Variants in CEMIP2 observed in about 807,000 individuals in gnomAD.
CEMIP2 encodes the protein cell migration inducing hyaluronidase 2.
Under a neutral mutation model 146.9 loss-of-function variants are expected in CEMIP2, and 79 were observed. That is an observed-to-expected ratio of 0.54 (90% CI 0.45 to 0.65). The LOEUF is 0.65. Ranked by LOEUF, CEMIP2 falls within the 30% of genes least tolerant of loss-of-function variation. The pLI is 0.00. For synonymous variants in CEMIP2, 601 were observed against 606.3 expected (o/e 0.99, Z 0.13); for missense variants, 1,596 against 1,696.2 (o/e 0.94, Z 1.04).
intron 2 of CEMIP2, 120 bp downstream of exon 2, chr9:71,749,923 T>C (rs1213768276): frequency 2.6e-6 from 2 of 759,582 alleles, no homozygotes; most frequent in East Asian, 5.5e-5. Flanking sequence ...CACCTCGTAT[T>C]ACCTAACTAC....
chr9:71,697,563 A>G (rs1053745976), intron 20 of CEMIP2, among the ~76,000 whole-genome samples: 1 of 152,228 alleles, frequency 6.6e-6, no homozygotes, highest in African/African-American at 2.4e-5. Flanking sequence ...TCCACCTTAT[A>G]AAAAGGAAAC....
At position 71,725,602 on chromosome 9, in the gene CEMIP2, G is replaced by A. The variant is rs377511739; in HGVS notation, c.2157C>T (p.Asn719=). Residue 719 remains asparagine (N), a synonymous_variant, in exon 11 of 24, where the codon AAC becomes AAT. Coordinates refer to ENST00000377044, the MANE Select transcript of CEMIP2 (RefSeq NM_013390.3). Reference sequence around the variant, plus strand: ...CTACCTTAAAATTTGAATGGACCCTGTTGTTATAAAATATACCCAATGGAG... The same window carrying A: ...CTACCTTAAAATTTGAATGGACCCTATTGTTATAAAATATACCCAATGGAG... ...ELTPLGIFYN[N]RVHSNFKAGL... 170 of 1,613,770 alleles carry A rather than the reference G, an allele frequency of 1.1e-4. No individual in the cohort carries two copies. The highest frequency in any genetic ancestry group is 1.3e-4 in the Non-Finnish European group (158 of 1,179,960).
At chr9:71,694,375 G>T in intron 21 of CEMIP2, 134 bp downstream of exon 21, 1 of 620,370 alleles carries the variant, frequency 1.6e-6, no homozygotes, top group Non-Finnish European at 2.9e-6. Context: ...TGCCCACCTT[G>T]GCCTCCCAAA....
chr9:71,715,701 G>T (rs1393808229), intron 14 of CEMIP2, among the ~76,000 whole-genome samples: 1 of 145,920 alleles, frequency 6.9e-6, no homozygotes, highest in African/African-American at 2.5e-5. Flanking sequence ...GGCTGGAGCA[G>T]CAACCTTGAA....
rs1010071613 is a variant in CEMIP2 at position 71,745,050 on chromosome 9, C to T, written c.1002G>A (p.Leu334=). 1 of 1,614,096 alleles carries T rather than the reference C, an allele frequency of 6.2e-7. No individual in the cohort carries two copies. The highest frequency in any genetic ancestry group is 8.5e-7 in the Non-Finnish European group (1 of 1,179,990). The change falls in exon 4 of 24, where the codon TTG becomes TTA. Residue 334 remains leucine (L), a synonymous_variant. Coordinates refer to ENST00000377044, the MANE Select transcript of CEMIP2 (RefSeq NM_013390.3). ...QGTIQMIQER[L]GSELIQGLGY... ...CCAGTCCTTGGATCAGTTCACTTCC[C>T]AACCGTTCCTGGATCATCTGGATGG...
At chr9:71,696,550 C>T (rs961412385) in intron 20 of CEMIP2, among the ~76,000 whole-genome samples, 4 of 151,872 alleles carry the variant, frequency 2.6e-5, no homozygotes, top group Non-Finnish European at 5.9e-5. Flanking sequence ...ACGGACAGAT[C>T]ACTTGAGGTC....
In CEMIP2 at chr9:71,694,497, G is replaced by T; in HGVS notation, c.3696+12C>A. ...CCTAGAACAGACTAAGACAACACCA[G>T]ATGGTACTTACAGAAATAACAGACG... On this transcript the variant is annotated intron_variant, in intron 21 of 23. Coordinates refer to ENST00000377044, the MANE Select transcript of CEMIP2 (RefSeq NM_013390.3). The T allele has an allele frequency of 1.2e-6, 2 of 1,600,644 alleles. No individual in the cohort carries two copies. The highest frequency in any genetic ancestry group is 2.2e-5 in the East Asian group (1 of 44,758).
At chr9:71,763,532 T>C (rs1225425285) in intron 1 of CEMIP2, among the ~76,000 whole-genome samples, 1 of 152,194 alleles carries the variant, frequency 6.6e-6, no homozygotes, top group Non-Finnish European at 1.5e-5. Flanking sequence ...TATTAAAAAA[T>C]ATGAGGATTA....
chr9:71,738,476 C>T (rs1041087443), intron 5 of CEMIP2, among the ~76,000 whole-genome samples: 3 of 151,956 alleles, frequency 2.0e-5, no homozygotes, highest in South Asian at 2.1e-4. Flanking sequence ...AATCGCACCA[C>T]TGCACTCCAG....
At chr9:71,710,517 C>T (rs1010434) in intron 16 of CEMIP2, among the ~76,000 whole-genome samples, 6,895 of 152,170 alleles carry the variant, frequency 0.045, 218 homozygotes, top group South Asian at 0.069. Flanking sequence ...TTTTGCAAAC[C>T]GCTCCTTTTA....
chr9:71,741,631 G>GTTTTTTTTTTTT (rs11334265), intron 4 of CEMIP2, among the ~76,000 whole-genome samples: 5 of 73,122 alleles, frequency 6.8e-5, no homozygotes, highest in South Asian at 5.4e-4. Context: ...TTCTTTTCTG[G>GTTTTTTTTTTTT]TTTTTTTTTT....
intron 21 of CEMIP2, among the ~76,000 whole-genome samples, chr9:71,692,365 A>ATCTCTCTC (rs10683725): frequency 0.039 from 3,548 of 90,424 alleles, 114 homozygotes; most frequent in East Asian, 0.074. Context: ...TCTACCCCCC[A>ATCTCTCTC]TCTCTCTCTC....
intron 1 of CEMIP2, among the ~76,000 whole-genome samples, chr9:71,752,338 G>T (rs901234551): frequency 6.0e-5 from 9 of 150,942 alleles, no homozygotes; most frequent in African/African-American, 2.0e-4. Flanking sequence ...TTTAACAGAA[G>T]CTTACACACA....
Position 71,732,355 on chromosome 9 carries a change from A to G in CEMIP2, c.1559T>C (p.Ile520Thr). ...TAATCAAATCCTTTTGCCTACCATA[A>G]TGTGTCCCCCAAAGGTATCATAATC... Reference protein sequence around the residue: ...FFDYDTFGGHIMIMKNFTSVH... With the variant: ...FFDYDTFGGHTMIMKNFTSVH... The change falls in exon 7 of 24, where the codon ATT (isoleucine) becomes ACT (threonine). Residue 520 changes from isoleucine to threonine, a missense_variant. Ile to Thr is a moderately conservative substitution (Grantham distance 89, BLOSUM62 -1). Coordinates refer to ENST00000377044, the MANE Select transcript of CEMIP2 (RefSeq NM_013390.3). 1 of 1,607,180 alleles carries G rather than the reference A, an allele frequency of 6.2e-7. No individual in the cohort carries two copies. Among genetic ancestry groups the G allele is most frequent in the Non-Finnish European group, 8.5e-7 (1 of 1,177,968 alleles).
Position 71,704,863 on chromosome 9 carries a change from C to T in CEMIP2, c.2986-60G>A, listed in dbSNP as rs978104691. The T allele has an allele frequency of 2.0e-6, 3 of 1,496,540 alleles. No individual in the cohort carries two copies. The African/African-American group carries it at 4.2e-5, about 21-fold the overall frequency. 92.7% of individuals were successfully genotyped at this position (1,496,540 alleles called of 1,614,324 possible). A position where few individuals can be genotyped will look rare whatever the true frequency, so the allele number is the denominator to read the frequency against. On this transcript the variant is annotated intron_variant, in intron 17 of 23. Transcript: ENST00000377044. ...ATGAAAATTTAAACAGCTAAAAAGACATTTTCAGCACAAAGTCAAGTGTCT... is the reference window on the plus strand; with the variant it reads ...ATGAAAATTTAAACAGCTAAAAAGATATTTTCAGCACAAAGTCAAGTGTCT...
chr9:71,687,484 G>GTGTT (rs1447105577), intron 22 of CEMIP2: 1 of 151,926 alleles, frequency 6.6e-6, no homozygotes, highest in Non-Finnish European at 1.5e-5. Context: ...GTGTGTGTGT[G>GTGTT]TGTGTGTGTG....
intron 23 of CEMIP2, 93 bp downstream of exon 23, chr9:71,685,650 G>T: frequency 9.5e-7 from 1 of 1,053,024 alleles, no homozygotes; most frequent in Non-Finnish European, 1.4e-6. Context: ...CAGCAAACAA[G>T]CTCATGAAAA....
chr9:71,769,051 G>A (rs1198812283), upstream of CEMIP2, among the ~76,000 whole-genome samples: 1 of 152,048 alleles, frequency 6.6e-6, no homozygotes, highest in African/African-American at 2.4e-5. Flanking sequence ...TCGCTGCCGC[G>A]CGCTGGAACA....
chr9:71,728,229 CTCTA>C (rs1160401648), intron 10 of CEMIP2, among the ~76,000 whole-genome samples: 7 of 17,158 alleles, frequency 4.1e-4, no homozygotes, highest in African/African-American at 8.4e-4. Flanking sequence ...CTCTCTCTCT[CTCTA>C]TATATATATA....
Sources: gnomAD v4.1 joint callset for allele counts (sites outside exome capture counted in the v4.1 genomes callset) on GRCh38, gnomAD v4.1.1 for gene constraint, MANE v1.5 for transcripts, NCBI Gene and HGNC (gene_info 2026-07-23, HGNC 2026-07-21) for gene names.